Variants in DIAPH3 observed in about 807,000 individuals in gnomAD.
The protein encoded by DIAPH3 is protein diaphanous homolog 3.
Under a neutral mutation model 144.3 loss-of-function variants are expected in DIAPH3, and 117 were observed. The observed-to-expected ratio is 0.81, with a 90% CI of 0.70 to 0.95. DIAPH3 has a LOEUF of 0.95. DIAPH3 is among the 40% of genes least tolerant of loss of function. The pLI, the probability that DIAPH3 is intolerant of heterozygous loss-of-function variation, is 0.00. For missense variants in DIAPH3, 1,421 were observed against 1,412.7 expected (o/e 1.01, Z -0.09); for synonymous variants, 519 against 488.9 (o/e 1.06, Z -0.81).
At chr13:59,898,813 T>C (rs998509881) in intron 20 of DIAPH3, among the ~76,000 whole-genome samples, 18 of 152,116 alleles carry the variant, frequency 1.2e-4, no homozygotes, top group African/African-American at 3.9e-4. Flanking sequence ...CTTGTTTGGA[T>C]TGAAGGATGC....
At chr13:59,811,496 T>G (rs1447327053) in intron 24 of DIAPH3, among the ~76,000 whole-genome samples, 1 of 152,068 alleles carries the variant, frequency 6.6e-6, no homozygotes, top group Non-Finnish European at 1.5e-5. Context: ...CCCAGCACTT[T>G]GGGAGGCCGA....
intron 27 of DIAPH3, among the ~76,000 whole-genome samples, chr13:59,681,513 C>T (rs910248500): frequency 6.6e-6 from 1 of 151,962 alleles, no homozygotes; most frequent in African/African-American, 2.4e-5. Flanking sequence ...TCAACTATAA[C>T]ACAATCCACA....
Position 59,887,624 on chromosome 13 carries a change from A to G in DIAPH3, c.2368-8156T>C, listed in dbSNP as rs535934683. 3.3e-5 allele frequency among the ~76,000 whole-genome samples: 5 copies of G among 152,244 alleles called. No individual in the cohort carries two copies. In the East Asian group the frequency reaches 9.6e-4, roughly 29 times the overall value. Reference sequence around the variant, plus strand: ...TTACTGAGGCTTATTTTATATTCCCATATGGTCTACCTTGGTAAACATTTG... The same window carrying G: ...TTACTGAGGCTTATTTTATATTCCCGTATGGTCTACCTTGGTAAACATTTG... On this transcript the variant is annotated intron_variant, in intron 20 of 27. Transcript: ENST00000400324.
intron 3 of DIAPH3, among the ~76,000 whole-genome samples, chr13:60,106,668 A>G (rs999382662): frequency 6.6e-6 from 1 of 152,186 alleles, no homozygotes; most frequent in Admixed American, 6.5e-5. Context: ...AAATTCTACA[A>G]ATCAATATGA....
At chr13:59,813,384 C>T (rs536391545) in intron 24 of DIAPH3, among the ~76,000 whole-genome samples, 4 of 151,630 alleles carry the variant, frequency 2.6e-5, no homozygotes, top group African/African-American at 9.7e-5. Flanking sequence ...AAATTGGATT[C>T]TGCATTCTCT....
intron 20 of DIAPH3, among the ~76,000 whole-genome samples, chr13:59,900,463 T>G (rs2140173206): frequency 6.6e-6 from 1 of 152,292 alleles, no homozygotes; most frequent in South Asian, 2.1e-4. Context: ...TGGTTAGTTT[T>G]TGAAACAAAC....
intron 22 of DIAPH3, among the ~76,000 whole-genome samples, chr13:59,839,964 T>A (rs1263861743): frequency 6.6e-6 from 1 of 152,190 alleles, no homozygotes; most frequent in African/African-American, 2.4e-5. Context: ...TTTGCTGATA[T>A]CCTGAACACA....
At chr13:59,986,994 T>C (rs1431416215) in intron 12 of DIAPH3, among the ~76,000 whole-genome samples, 14 of 151,914 alleles carry the variant, frequency 9.2e-5, no homozygotes, top group Non-Finnish European at 1.3e-4. Flanking sequence ...CAAATGACTA[T>C]AAATCATGCT....
intron 9 of DIAPH3, among the ~76,000 whole-genome samples, chr13:59,997,550 T>A (rs2052279786): frequency 6.6e-6 from 1 of 152,122 alleles, no homozygotes; most frequent in East Asian, 1.9e-4. Flanking sequence ...TATTTTCTTT[T>A]GGGTGGATAC....
At chr13:59,687,063 A>G (rs1418899303) in intron 27 of DIAPH3, among the ~76,000 whole-genome samples, 1 of 152,126 alleles carries the variant, frequency 6.6e-6, no homozygotes, top group African/African-American at 2.4e-5. Context: ...TAAAAACAAA[A>G]GGTTAGAGAT....
At chr13:59,743,965 G>C (rs940216027) in intron 27 of DIAPH3, among the ~76,000 whole-genome samples, 16 of 152,094 alleles carry the variant, frequency 1.1e-4, no homozygotes, top group African/African-American at 3.9e-4. Flanking sequence ...ACATAATCAA[G>C]TAAAATGGTG....
At chr13:59,868,803 T>C (rs1308641666) in intron 21 of DIAPH3, among the ~76,000 whole-genome samples, 8 of 152,164 alleles carry the variant, frequency 5.3e-5, no homozygotes, top group Non-Finnish European at 1.0e-4. Context: ...GAACATCACA[T>C]AGTTGGAATC....
intron 25 of DIAPH3, among the ~76,000 whole-genome samples, chr13:59,782,642 C>T (rs2038798861): frequency 6.6e-6 from 1 of 152,080 alleles, no homozygotes; most frequent in Non-Finnish European, 1.5e-5. Context: ...AAGATGCTTA[C>T]CTCTGAGAAG....
intron 24 of DIAPH3, among the ~76,000 whole-genome samples, chr13:59,814,060 G>A (rs534531366): frequency 5.3e-5 from 8 of 152,114 alleles, no homozygotes; most frequent in African/African-American, 1.9e-4. Context: ...TTGCTTGAGA[G>A]AAATGAACAA....
rs11421911 is a variant in DIAPH3 at position 59,666,357 on chromosome 13, C to CAAAAAAAA, written c.*219_*226dup. On this transcript the variant is annotated 3_prime_UTR_variant, in exon 28 of 28. Transcript: ENST00000400324. ...TAAAGAACTGAGGAATACCAGGAGA[C>CAAAAAAAA]AAAAAAAAAAAAAAAAGGATTAAAG... 7.1e-6 allele frequency: 2 copies of CAAAAAAAA among 281,512 alleles called. No individual in the cohort carries two copies. The highest frequency in any genetic ancestry group is 1.2e-5 in the Non-Finnish European group (2 of 164,914). 17.4% of individuals were successfully genotyped at this position (281,512 alleles called of 1,614,324 possible). A position where few individuals can be genotyped will look rare whatever the true frequency, so the allele number is the denominator to read the frequency against.
At chr13:59,751,060 C>T (rs938392154) in intron 27 of DIAPH3, among the ~76,000 whole-genome samples, 4 of 152,250 alleles carry the variant, frequency 2.6e-5, no homozygotes, top group African/African-American at 4.8e-5. Context: ...GGGGGCACTG[C>T]GTGCTGTTCA....
chr13:59,868,218 G>A (rs2044046776), intron 21 of DIAPH3, among the ~76,000 whole-genome samples: 1 of 152,108 alleles, frequency 6.6e-6, no homozygotes, highest in Non-Finnish European at 1.5e-5. Flanking sequence ...TCCAGCCAAA[G>A]CTATGTAACT....
chr13:59,859,748 TAA>T (rs888562251), intron 22 of DIAPH3, among the ~76,000 whole-genome samples: 1 of 152,160 alleles, frequency 6.6e-6, no homozygotes, highest in Non-Finnish European at 1.5e-5. Flanking sequence ...TTCCCTGAGG[TAA>T]AAGTTATTTT....
intron 3 of DIAPH3, among the ~76,000 whole-genome samples, chr13:60,102,109 C>T (rs968233859): frequency 6.6e-6 from 1 of 152,148 alleles, no homozygotes; most frequent in African/African-American, 2.4e-5. Flanking sequence ...TTGCACACTA[C>T]TATCTTTCCC....
Sources: gnomAD v4.1 joint callset for allele counts (sites outside exome capture counted in the v4.1 genomes callset) on GRCh38, gnomAD v4.1.1 for gene constraint, MANE v1.5 for transcripts, NCBI Gene and HGNC (gene_info 2026-07-23, HGNC 2026-07-21) for gene names.